CHST11: variants seen among roughly 807,000 people sequenced by gnomAD.
CHST11 encodes the protein carbohydrate sulfotransferase 11, also known as C4S-1.
A neutral mutation model predicts 30.4 loss-of-function variants in CHST11; 9 were observed. That is an observed-to-expected ratio of 0.30 (90% confidence interval 0.18 to 0.52). CHST11 has a LOEUF of 0.52. Among genes scored for constraint, CHST11 ranks in the 20% least tolerant of loss-of-function variants. CHST11 has a pLI of 0.97. For synonymous variants in CHST11, 152 were observed against 187.8 expected (o/e 0.81, Z 1.56); for missense variants, 348 against 460.6 (o/e 0.76, Z 2.24).
At chr12:104,651,332 T>A (rs2039487659) in intron 2 of CHST11, among the ~76,000 whole-genome samples, 2 of 152,218 alleles carry the variant, frequency 1.3e-5, no homozygotes, top group African/African-American at 4.8e-5. Flanking sequence ...ACACTCTGGT[T>A]TGTTTCTTTG....
chr12:104,649,775 A>G (rs1049024524), intron 2 of CHST11, among the ~76,000 whole-genome samples: 8 of 152,246 alleles, frequency 5.3e-5, no homozygotes, highest in African/African-American at 1.9e-4. Context: ...AAAGTAGGCA[A>G]GAAGTGAGGA....
intron 2 of CHST11, among the ~76,000 whole-genome samples, chr12:104,650,367 G>A (rs971410553): frequency 6.6e-6 from 1 of 152,128 alleles, no homozygotes; most frequent in African/African-American, 2.4e-5. Flanking sequence ...TGATGGGTTT[G>A]GCGGATTTGT....
At position 104,729,702 on chromosome 12, in the gene CHST11, G is replaced by A. The variant is rs575347912; in HGVS notation, c.205-27247G>A. On this transcript the variant is annotated intron_variant, in intron 2 of 2. Transcript: ENST00000303694. The surrounding 1 kb of genome is among the most constrained non-coding windows in gnomAD (Gnocchi z 4.0). ...GAGAAGTGGGTGTGCAGAATCGTAC[G>A]GTGTGCAGACGGTGGCCTGGTGAAG... Among the ~76,000 whole-genome samples the A allele has an allele frequency of 2.4e-4, 37 of 152,300 alleles. No homozygotes were observed. The highest frequency in any genetic ancestry group is 7.7e-4 in the African/African-American group (32 of 41,568).
At chr12:104,618,316 T>C (rs536205111) in intron 2 of CHST11, among the ~76,000 whole-genome samples, 131 of 151,640 alleles carry the variant, frequency 8.6e-4, no homozygotes, top group Middle Eastern at 6.8e-3. Flanking sequence ...TTTGGCTTCC[T>C]GGGCGCAAGT....
intron 2 of CHST11, among the ~76,000 whole-genome samples, chr12:104,664,689 G>A (rs574738191): frequency 1.7e-4 from 26 of 152,342 alleles, no homozygotes; most frequent in Admixed American, 8.5e-4. Context: ...TTCCAGGGAA[G>A]TGGGGTTATT....
intron 1 of CHST11, among the ~76,000 whole-genome samples, chr12:104,570,539 C>T (rs1443133819): frequency 2.6e-5 from 4 of 152,150 alleles, no homozygotes; most frequent in Non-Finnish European, 5.9e-5. Context: ...TCCTTTCCTT[C>T]CTGCAAGAAA....
intron 2 of CHST11, among the ~76,000 whole-genome samples, chr12:104,612,815 A>G (rs529242906): frequency 1.2e-4 from 18 of 152,360 alleles, no homozygotes; most frequent in Admixed American, 6.5e-4. Flanking sequence ...GAACTACCAT[A>G]TGATCCAGCA....
chr12:104,603,523 A>T (rs2038976394), intron 2 of CHST11, among the ~76,000 whole-genome samples: 1 of 152,216 alleles, frequency 6.6e-6, no homozygotes, highest in Non-Finnish European at 1.5e-5. Flanking sequence ...GATTCAAAAC[A>T]TGAAAGTCCA....
At chr12:104,744,411 A>G (rs1468167182) in intron 2 of CHST11, among the ~76,000 whole-genome samples, 1 of 151,852 alleles carries the variant, frequency 6.6e-6, no homozygotes, top group African/African-American at 2.4e-5. Context: ...TCTTTTGAAA[A>G]CTGTCTGTTC....
intron 1 of CHST11, among the ~76,000 whole-genome samples, chr12:104,502,680 G>C (rs771785351): frequency 6.6e-5 from 10 of 152,194 alleles, no homozygotes; most frequent in Non-Finnish European, 1.0e-4. Flanking sequence ...GTGCAATTCA[G>C]ACTGTCAAGT....
chr12:104,559,159 A>G (rs1417982140), intron 1 of CHST11, among the ~76,000 whole-genome samples: 4 of 152,010 alleles, frequency 2.6e-5, no homozygotes, highest in Admixed American at 2.6e-4. Context: ...GGACTCTCCT[A>G]GCACTTCTGG....
chr12:104,728,003 G>A (rs1394941902), intron 2 of CHST11, among the ~76,000 whole-genome samples: 1 of 152,142 alleles, frequency 6.6e-6, no homozygotes, highest in African/African-American at 2.4e-5. Context: ...GCATGTCTGG[G>A]GATAAAATCC....
At chr12:104,565,258 A>ATTTTTTTTT (rs66825272) in intron 1 of CHST11, among the ~76,000 whole-genome samples, 4 of 72,916 alleles carry the variant, frequency 5.5e-5, no homozygotes, top group Non-Finnish European at 7.4e-5. Flanking sequence ...GTTTTCTAGG[A>ATTTTTTTTT]TTTTTTTTTT....
intron 1 of CHST11, among the ~76,000 whole-genome samples, chr12:104,555,581 A>G (rs1211733157): frequency 2.0e-5 from 3 of 152,180 alleles, no homozygotes; most frequent in Admixed American, 1.3e-4. Context: ...TTGGGAACTA[A>G]TTGCCACTCC....
intron 2 of CHST11, among the ~76,000 whole-genome samples, chr12:104,614,836 G>A (rs2039094521): frequency 6.6e-6 from 1 of 151,892 alleles, no homozygotes; most frequent in Admixed American, 6.5e-5. Context: ...GATGGGAGAG[G>A]GGAGAGGGGA....
chr12:104,536,964 G>C (rs1445470649), intron 1 of CHST11, among the ~76,000 whole-genome samples: 3 of 152,184 alleles, frequency 2.0e-5, no homozygotes, highest in Non-Finnish European at 4.4e-5. Flanking sequence ...TTGAGTCAGA[G>C]GCAGCAGTCC....
intron 2 of CHST11, among the ~76,000 whole-genome samples, chr12:104,638,945 T>G (rs1486969961): frequency 6.6e-6 from 1 of 152,236 alleles, no homozygotes; most frequent in Admixed American, 6.5e-5. Context: ...AAGCTGCGCA[T>G]GTGGCTTTTC....
chr12:104,552,638 T>G (rs1261856941), intron 1 of CHST11: 1 of 152,208 alleles, frequency 6.6e-6, no homozygotes, highest in Admixed American at 6.5e-5. Context: ...TGTCTTCCTT[T>G]CATTCCTATC....
At chr12:104,749,994 C>T (rs1399390922) in intron 2 of CHST11, among the ~76,000 whole-genome samples, 1 of 151,540 alleles carries the variant, frequency 6.6e-6, no homozygotes, top group East Asian at 1.9e-4. Flanking sequence ...AAATGATTAT[C>T]CATTTCTGGA....
Sources: gnomAD v4.1 joint callset for allele counts (sites outside exome capture counted in the v4.1 genomes callset) on GRCh38, gnomAD v4.1.1 for gene constraint, Gnocchi (gnomAD v3.1) non-coding constraint, MANE v1.5 for transcripts, NCBI Gene and HGNC (gene_info 2026-07-23, HGNC 2026-07-21) for gene names.